PRKCB: variants seen among roughly 807,000 people sequenced by gnomAD.
PRKCB encodes the protein protein kinase C beta type.
In PRKCB, 13 loss-of-function variants were observed where a neutral mutation model predicts 81.5. The ratio of observed to expected loss-of-function variants is 0.16; its 90% confidence interval spans 0.10 to 0.25. The LOEUF (loss-of-function observed/expected upper bound fraction) is 0.25. Among genes scored for constraint, PRKCB ranks in the 10% least tolerant of loss-of-function variants. PRKCB has a pLI of 1.00. For missense variants in PRKCB, 509 were observed against 875.7 expected, an observed-to-expected ratio of 0.58 and a Z score of 5.29; for synonymous variants, 335 against 321.4, an observed-to-expected ratio of 1.04 and a Z score of -0.45.
chr16:24,126,303 C>T (rs1966844192), intron 9 of PRKCB, among the ~76,000 whole-genome samples: 1 of 152,136 alleles, frequency 6.6e-6, no homozygotes, highest in African/African-American at 2.4e-5. Flanking sequence ...AGATTTCAAA[C>T]ATGGAGCAGT....
chr16:24,133,570 C>T (rs559820084), intron 9 of PRKCB, among the ~76,000 whole-genome samples: 1 of 152,168 alleles, frequency 6.6e-6, no homozygotes, highest in Non-Finnish European at 1.5e-5. Flanking sequence ...ATTTTCTTAA[C>T]CCTTACCAAC....
At chr16:23,929,790 T>C (rs1963946462) in intron 2 of PRKCB, among the ~76,000 whole-genome samples, 1 of 152,014 alleles carries the variant, frequency 6.6e-6, no homozygotes, top group Non-Finnish European at 1.5e-5. Context: ...GATAAAACCT[T>C]AGGGAAAAGA....
chr16:23,971,418 C>T (rs1439056032), intron 2 of PRKCB, among the ~76,000 whole-genome samples: 2 of 152,152 alleles, frequency 1.3e-5, no homozygotes, highest in Non-Finnish European at 2.9e-5. Flanking sequence ...TTTGGTCCCT[C>T]CTCTGGGACC....
In PRKCB at chr16:24,219,360, A is replaced by T; in HGVS notation, c.*4544A>T. On this transcript the variant is annotated 3_prime_UTR_variant, in exon 17 of 17. Transcript: ENST00000643927. ...ACATGCTAAAAATGTCTTTGGAGAG[A>T]ACTTCTGCCTGATAAACACCCAATT... The T allele has an allele frequency of 2.0e-6, 2 of 985,086 alleles. No individual in the cohort carries two copies. Among genetic ancestry groups the T allele is most frequent in the Non-Finnish European group, 2.4e-6 (2 of 829,960 alleles). 61.0% of individuals were successfully genotyped at this position (985,086 alleles called of 1,614,324 possible). A position where few individuals can be genotyped will look rare whatever the true frequency, so the allele number is the denominator to read the frequency against.
intron 2 of PRKCB, among the ~76,000 whole-genome samples, chr16:23,896,231 T>C (rs1963376994): frequency 6.6e-6 from 1 of 152,222 alleles, no homozygotes. Context: ...ACATGCATTA[T>C]TTCATGCAAT....
intron 7 of PRKCB, among the ~76,000 whole-genome samples, chr16:24,112,239 G>A (rs60261043): frequency 0.048 from 7,264 of 152,316 alleles, 196 homozygotes; most frequent in Middle Eastern, 0.065. Context: ...AATGCTGGAA[G>A]AGCATGACAA....
chr16:24,012,231 C>T (rs1390545061), intron 3 of PRKCB, among the ~76,000 whole-genome samples: 20 of 152,192 alleles, frequency 1.3e-4, no homozygotes, highest in Non-Finnish European at 1.8e-4. Flanking sequence ...TCATATGCCA[C>T]GTGCTGTTCT....
rs534806176 is a variant in PRKCB, at chr16:23,998,436, T to C, written c.288+9846T>C. On this transcript the variant is annotated intron_variant, in intron 3 of 16. Transcript: ENST00000643927. Reference sequence around the variant, plus strand: ...GATGAGGGCGTGAGTGCCCCTTCCATGGATTGAGAGTGGGGAAGAGGTAGT... The same window carrying C: ...GATGAGGGCGTGAGTGCCCCTTCCACGGATTGAGAGTGGGGAAGAGGTAGT... 2.6e-5 allele frequency among the ~76,000 whole-genome samples: 4 copies of C among 152,208 alleles called. No individual in the cohort carries two copies. The South Asian group carries it at 6.2e-4, about 24-fold the overall frequency.
Position 24,002,426 on chromosome 16 carries a change from C to T in PRKCB, c.288+13836C>T, listed in dbSNP as rs148266703. Among the ~76,000 whole-genome samples, 15 of 151,408 alleles carry T rather than the reference C, an allele frequency of 9.9e-5. No individual in the cohort carries two copies. The East Asian group carries it at 2.9e-3, about 29-fold the overall frequency. On this transcript the variant is annotated intron_variant, in intron 3 of 16. Coordinates refer to ENST00000643927, the MANE Select transcript of PRKCB (RefSeq NM_002738.7). The stretch of plus-strand genomic sequence containing the variant: ...GTGGTGTGATCTCGGCTCACCGCAA[C>T]CCTCCCAGATACAAGTGATTCTCCT...
intron 2 of PRKCB, among the ~76,000 whole-genome samples, chr16:23,949,068 A>G (rs1230188951): frequency 6.6e-6 from 1 of 152,246 alleles, no homozygotes; most frequent in African/African-American, 2.4e-5. Context: ...TCAGGCGTAA[A>G]CACTTGGCTT....
rs1964323615 is a variant in PRKCB at position 23,954,387 on chromosome 16, A to G, written c.206-34121A>G. Among the ~76,000 whole-genome samples, 4 of 152,322 alleles carry G rather than the reference A, an allele frequency of 2.6e-5. No individual in the cohort carries two copies. In the South Asian group the frequency reaches 8.3e-4, roughly 32 times the overall value. ...AGACATAAGTCTCAGCAACTGTTGC[A>G]GAAAGACCCTTCCTCAGTAAGGATG... On this transcript the variant is annotated intron_variant, in intron 2 of 16. Transcript: ENST00000643927.
At chr16:24,099,525 A>C (rs992531689) in intron 7 of PRKCB, 1 of 152,274 alleles carries the variant, frequency 6.6e-6, no homozygotes, top group African/African-American at 2.4e-5. Flanking sequence ...CAGAAGTTAC[A>C]GGCAAAGACA....
rs916718008 is a variant in PRKCB at position 23,924,807 on chromosome 16, A to G, written c.206-63701A>G. Among the ~76,000 whole-genome samples the G allele has an allele frequency of 7.8e-4, 118 of 152,116 alleles. 14 individuals carry two copies. ...GCTTGATTTAGCCATTTCACTATGT[A>G]TACATGTAGGAAAACATCATGTTGT... On this transcript the variant is annotated intron_variant, in intron 2 of 16. Transcript: ENST00000643927.
chr16:24,148,996 G>A (rs1967034534), intron 9 of PRKCB, among the ~76,000 whole-genome samples: 1 of 152,176 alleles, frequency 6.6e-6, no homozygotes, highest in Admixed American at 6.5e-5. Flanking sequence ...GTTTCTGTGG[G>A]TCAGGAGATT....
At chr16:23,886,737 T>C (rs1365972269) in intron 2 of PRKCB, among the ~76,000 whole-genome samples, 1 of 152,174 alleles carries the variant, frequency 6.6e-6, no homozygotes, top group Non-Finnish European at 1.5e-5. Flanking sequence ...ACAGATTTCT[T>C]GGCTTCAGCA....
chr16:23,882,881 C>T (rs1963145878), intron 2 of PRKCB, among the ~76,000 whole-genome samples: 1 of 151,782 alleles, frequency 6.6e-6, no homozygotes, highest in African/African-American at 2.4e-5. Context: ...AACTACTGCA[C>T]CTGGCTGAGA....
chr16:24,128,848 G>C (rs938058952), intron 9 of PRKCB, among the ~76,000 whole-genome samples: 4 of 152,130 alleles, frequency 2.6e-5, no homozygotes, highest in African/African-American at 9.7e-5. Flanking sequence ...ATCCTTAACT[G>C]TCTGTTTTTA....
intron 5 of PRKCB, among the ~76,000 whole-genome samples, chr16:24,072,869 A>G (rs1320113287): frequency 6.6e-6 from 1 of 152,182 alleles, no homozygotes; most frequent in Non-Finnish European, 1.5e-5. Flanking sequence ...TGTGTGCGCC[A>G]CGCACCTGGC....
At chr16:23,863,795 G>T in intron 2 of PRKCB, among the ~76,000 whole-genome samples, 1 of 152,056 alleles carries the variant, frequency 6.6e-6, no homozygotes, top group East Asian at 1.9e-4. Context: ...CAGAGTTTTG[G>T]ATAGAAACTA....
Sources: allele counts gnomAD v4.1 joint callset (sites outside exome capture counted in the v4.1 genomes callset), GRCh38; gene constraint gnomAD v4.1.1; transcripts MANE v1.5; gene names NCBI Gene and HGNC (gene_info 2026-07-23, HGNC 2026-07-21).